The following ALG9 variants were observed in gnomAD, a reference collection of about 807,000 sequenced individuals.
The protein encoded by ALG9 is ALG9 alpha-1,2-mannosyltransferase.
ALG9 carries 55 observed loss-of-function variants against 81.8 expected under a neutral mutation model. That is an observed-to-expected ratio of 0.67 (90% CI 0.54 to 0.84). The LOEUF (loss-of-function observed/expected upper bound fraction) is 0.84. Ranked by LOEUF, ALG9 falls within the 40% of genes least tolerant of loss-of-function variation. The pLI is 0.00. For missense variants in ALG9, 629 were observed against 745.0 expected (o/e 0.84, Z 1.81); for synonymous variants, 278 against 274.3 (o/e 1.01, Z -0.13).
rs374231120 is a variant in ALG9, at chr11:111,782,744, C to A, written c.*3653G>T. The A allele has an allele frequency of 6.6e-6, 1 of 152,114 alleles. No homozygotes were observed. Among genetic ancestry groups the A allele is most frequent in the Non-Finnish European group, 1.5e-5 (1 of 68,022 alleles). 9.4% of individuals were successfully genotyped at this position (152,114 alleles called of 1,614,324 possible). ...ATAAATGATTGCCACTGGAGCTTTG[C>A]CCAAATGGTCACCGTAGACCTCATG... is the stretch of plus-strand genomic sequence containing the variant. On this transcript the variant is annotated 3_prime_UTR_variant, in exon 15 of 15. Coordinates refer to ENST00000616540, the MANE Select transcript of ALG9 (RefSeq NM_024740.2).
In ALG9 at chr11:111,871,395, G is replaced by A. The variant is rs1281482955; in HGVS notation, c.88C>T (p.Leu30=). ...CCGCCCGCCTCTCGGCTGCCCAGCAGCTCCCGCAGCTTGTCCGCAGCCGGG... is the reference window on the plus strand; with the variant it reads ...CCGCCCGCCTCTCGGCTGCCCAGCAACTCCCGCAGCTTGTCCGCAGCCGGG... ...TAPAADKLRE[L]LGSREAGGAE... The change falls in exon 1 of 15, where the codon CTG becomes TTG. Residue 30 remains leucine, a synonymous_variant. Transcript: ENST00000616540. 1 of 1,534,688 alleles carries A rather than the reference G, an allele frequency of 6.5e-7. No homozygotes were observed. The highest frequency in any genetic ancestry group is 2.4e-5 in the East Asian group (1 of 40,882).
intron 9 of ALG9, among the ~76,000 whole-genome samples, chr11:111,842,255 G>C (rs183879793): frequency 6.6e-6 from 1 of 152,142 alleles, no homozygotes; most frequent in Non-Finnish European, 1.5e-5. Context: ...CAAGTAAACA[G>C]TCCTTTTCTC....
downstream of ALG9, among the ~76,000 whole-genome samples, chr11:111,777,291 A>G (rs199516929): frequency 6.6e-6 from 1 of 152,248 alleles, no homozygotes; most frequent in East Asian, 1.9e-4. Context: ...AGTTACGGAC[A>G]TAATTTTCTC....
At chr11:111,791,048 A>T (rs1309862290) in intron 14 of ALG9, among the ~76,000 whole-genome samples, 1 of 152,244 alleles carries the variant, frequency 6.6e-6, no homozygotes, top group Non-Finnish European at 1.5e-5. Flanking sequence ...TCAAATATAT[A>T]TGAGTAGATA....
Position 111,785,824 on chromosome 11 carries a change from T to A in ALG9, c.*573A>T, listed in dbSNP as rs1290073528. ...AGATAGCTCCAGGACAGGGTCCTAG[T>A]CCTGTGAAGTGCTTTAAAGAAGCTT... is the stretch of plus-strand genomic sequence containing the variant. On this transcript the variant is annotated 3_prime_UTR_variant, in exon 15 of 15. Transcript: ENST00000616540. 2.0e-5 allele frequency: 7 copies of A among 350,136 alleles called. No homozygotes were observed. Among genetic ancestry groups the A allele is most frequent in the Non-Finnish European group, 1.1e-5 (2 of 178,464 alleles). The allele number at this position is 350,136 out of a possible 1,614,324, so 21.7% of individuals were successfully genotyped here.
intron 14 of ALG9, among the ~76,000 whole-genome samples, chr11:111,803,846 G>C (rs1415753049): frequency 2.6e-5 from 4 of 151,924 alleles, no homozygotes; most frequent in African/African-American, 9.7e-5. Context: ...AAAAGTAAAA[G>C]TATAGTCTGG....
intron 13 of ALG9, among the ~76,000 whole-genome samples, chr11:111,830,839 C>T (rs1954226484): frequency 6.6e-6 from 1 of 151,918 alleles, no homozygotes; most frequent in African/African-American, 2.4e-5. Context: ...AAAGTAAGTA[C>T]CTGTCATATA....
At chr11:111,864,305 C>A in intron 4 of ALG9, 1 of 1,033,140 alleles carries the variant, frequency 9.7e-7, no homozygotes, top group Non-Finnish European at 1.5e-6. Context: ...TCAACAGCCC[C>A]GGCTGGAGGC....
At position 111,822,974 on chromosome 11, in the gene ALG9, A is replaced by G. The variant is rs148072432; in HGVS notation, c.1602+13191T>C. ...GGGAGGCGGAGATTGCAGTGAGCCG[A>G]GATCACACCATTGCCCTCCAGCCTG... is the stretch of plus-strand genomic sequence containing the variant. On this transcript the variant is annotated intron_variant, in intron 13 of 14. Transcript: ENST00000616540. 9.9e-5 allele frequency among the ~76,000 whole-genome samples: 15 copies of G among 152,078 alleles called. No homozygotes were observed. The East Asian group carries it at 2.9e-3, about 29-fold the overall frequency.
chr11:111,852,008 T>C (rs1592292397), intron 8 of ALG9, among the ~76,000 whole-genome samples: 2 of 152,248 alleles, frequency 1.3e-5, no homozygotes, highest in South Asian at 4.1e-4. Flanking sequence ...CCTAGAATGA[T>C]AATATTCCCA....
intron 14 of ALG9, among the ~76,000 whole-genome samples, chr11:111,800,732 A>G (rs1948998065): frequency 6.6e-6 from 1 of 152,082 alleles, no homozygotes; most frequent in South Asian, 2.1e-4. Flanking sequence ...CAGCCTCACC[A>G]TTGTATCGTA....
chr11:111,820,471 G>A (rs908212150), intron 13 of ALG9, among the ~76,000 whole-genome samples: 1 of 152,094 alleles, frequency 6.6e-6, no homozygotes, highest in African/African-American at 2.4e-5. Context: ...ACTGACTCTC[G>A]AGATAAACCA....
intron 2 of ALG9, among the ~76,000 whole-genome samples, chr11:111,869,936 C>T (rs989607068): frequency 5.3e-5 from 8 of 152,016 alleles, no homozygotes; most frequent in South Asian, 2.1e-4. Flanking sequence ...CTCAGCCTCC[C>T]GAGTAGCTGG....
chr11:111,861,703 A>C (rs1555148094), intron 4 of ALG9, among the ~76,000 whole-genome samples: 1 of 151,938 alleles, frequency 6.6e-6, no homozygotes, highest in African/African-American at 2.4e-5. Flanking sequence ...CAAATTCCTG[A>C]GCTCAAGCAA....
intron 12 of ALG9, 118 bp downstream of exon 12, chr11:111,837,350 G>C (rs1555118473): frequency 8.2e-7 from 1 of 1,218,914 alleles, no homozygotes; most frequent in Non-Finnish European, 1.2e-6. Flanking sequence ...CGACGTGGTA[G>C]ATAATTCAAT....
At chr11:111,780,695 C>T (rs1481137484), downstream of ALG9, among the ~76,000 whole-genome samples, 4 of 152,194 alleles carry the variant, frequency 2.6e-5, no homozygotes. Flanking sequence ...CCATGTCCGG[C>T]CAACTTGCCA....
intron 14 of ALG9, among the ~76,000 whole-genome samples, chr11:111,790,882 G>T (rs1459381201): frequency 2.0e-5 from 3 of 152,186 alleles, no homozygotes; most frequent in Non-Finnish European, 4.4e-5. Flanking sequence ...CAGCCACCTA[G>T]AAAGGCAGTT....
chr11:111,821,811 T>C (rs1711864782), intron 13 of ALG9, among the ~76,000 whole-genome samples: 1 of 152,044 alleles, frequency 6.6e-6, no homozygotes, highest in African/African-American at 2.4e-5. Context: ...AATTTTTGTA[T>C]TTTCAGTAGA....
intron 13 of ALG9, among the ~76,000 whole-genome samples, chr11:111,826,066 C>CAATAAT (rs4026118): frequency 0.52 from 68,663 of 132,324 alleles, 18,818 homozygotes; most frequent in Non-Finnish European, 0.6. Flanking sequence ...AACTCCGTCT[C>CAATAAT]AATAATAATA....
Sources: allele counts gnomAD v4.1 joint callset (sites outside exome capture counted in the v4.1 genomes callset), GRCh38; gene constraint gnomAD v4.1.1; transcripts MANE v1.5; gene names NCBI Gene and HGNC (gene_info 2026-07-23, HGNC 2026-07-21).